SH2D3C: variants seen among roughly 807,000 people sequenced by gnomAD.
SH2D3C encodes the protein SH2 domain-containing protein 3C.
A neutral mutation model predicts 75.2 loss-of-function variants in SH2D3C; 25 were observed. The observed-to-expected ratio is 0.33, with a 90% CI of 0.24 to 0.46. The LOEUF is 0.46. SH2D3C is among the 20% of genes least tolerant of loss of function. The probability of loss-of-function intolerance (pLI) is 1.00; values close to 1 mark genes in which losing one functional copy is unlikely to be tolerated. For synonymous variants in SH2D3C, 450 were observed against 473.7 expected, an observed-to-expected ratio of 0.95 and a Z score of 0.65; for missense variants, 933 against 1,165.3, an observed-to-expected ratio of 0.80 and a Z score of 2.90.
chr9:127,738,996 CCT>C lies in SH2D3C; in HGVS notation c.2408-77_2408-76del, dbSNP rs1266902091. 19 of 1,362,528 alleles carry C rather than the reference CCT, an allele frequency of 1.4e-5. No individual in the cohort carries two copies. The highest frequency in any genetic ancestry group is 6.0e-5 in the African/African-American group (4 of 67,004). 84.4% of individuals were successfully genotyped at this position (1,362,528 alleles called of 1,614,324 possible). A position where few individuals can be genotyped will look rare whatever the true frequency, so the allele number is the denominator to read the frequency against. The stretch of plus-strand genomic sequence containing the variant: ...GAGCCCTAGCATTCTTCAGGACCCC[CCT>C]GTTAGGGACCTCCCCTCAACTCCGC... On this transcript the variant is annotated intron_variant, in intron 11 of 11. Coordinates refer to ENST00000314830, the MANE Select transcript of SH2D3C (RefSeq NM_170600.3). The surrounding 1 kb of genome is among the most constrained non-coding windows in gnomAD (Gnocchi z 5.0).
intron 1 of SH2D3C, among the ~76,000 whole-genome samples, chr9:127,776,331 TG>T (rs1369307181): frequency 2.0e-5 from 3 of 146,450 alleles, no homozygotes; most frequent in African/African-American, 7.7e-5. Context: ...TGTAGGGGGT[TG>T]GGGAGTGTTC....
At position 127,751,156 on chromosome 9, in the gene SH2D3C, C is replaced by A; in HGVS notation, c.684+16G>T. ...GGGAGGGTCCCGGGTTGAAGTCCAG[C>A]TCGGGGCCTACTCACCTCTCGGGGG... On this transcript the variant is annotated intron_variant, in intron 4 of 11. Transcript: ENST00000314830. The surrounding 1 kb of genome is among the most constrained non-coding windows in gnomAD (Gnocchi z 4.1). 6.2e-7 allele frequency: 1 copy of A among 1,612,740 alleles called. No individual in the cohort carries two copies. The highest frequency in any genetic ancestry group is 1.3e-5 in the African/African-American group (1 of 75,006).
chr9:127,774,538 C>G lies in SH2D3C; in HGVS notation c.38-71G>C, dbSNP rs913516090. The G allele has an allele frequency of 2.3e-5, 20 of 851,344 alleles. No homozygotes were observed. Among genetic ancestry groups the G allele is most frequent in the Admixed American group, 7.9e-5 (4 of 50,658 alleles). The allele number at this position is 851,344 out of a possible 1,614,324, so 52.7% of individuals were successfully genotyped here. A position where few individuals can be genotyped will look rare whatever the true frequency, so the allele number is the denominator to read the frequency against. On this transcript the variant is annotated intron_variant, in intron 1 of 11. Coordinates refer to ENST00000314830, the MANE Select transcript of SH2D3C (RefSeq NM_170600.3). This position sits in a 1 kb window ranked among gnomAD's most constrained non-coding sequence, Gnocchi z 4.3. The stretch of plus-strand genomic sequence containing the variant: ...CATCAGTGATAATAATGAACAATTC[C>G]TGCAGTTTCACTCGGTGAGGGGCTG...
intron 1 of SH2D3C, 94 bp downstream of exon 1, chr9:127,778,497 A>C (rs1829079495): frequency 9.9e-7 from 1 of 1,012,724 alleles, no homozygotes. Flanking sequence ...AGAGAGAAAA[A>C]CAGAAATGAG....
chr9:127,757,173 C>T (rs1466501107), intron 3 of SH2D3C, among the ~76,000 whole-genome samples: 1 of 150,560 alleles, frequency 6.6e-6, no homozygotes, highest in Non-Finnish European at 1.5e-5. Context: ...GACCTCTTGA[C>T]CTCAAGTGAT....
At chr9:127,765,473 C>A (rs1216613568) in intron 2 of SH2D3C, among the ~76,000 whole-genome samples, 1 of 152,114 alleles carries the variant, frequency 6.6e-6, no homozygotes, top group Non-Finnish European at 1.5e-5. Flanking sequence ...CCCCTGCAGC[C>A]CTGAGGACAA....
rs116053071 is a variant in SH2D3C, at chr9:127,776,103, A to G, written c.38-1636T>C. ...CTCGGCCTCCCAAAGTGTTGGGATT[A>G]CAGGGGTAAGACACCGTGCCTGGCC... On this transcript the variant is annotated intron_variant, in intron 1 of 11. Coordinates refer to ENST00000314830, the MANE Select transcript of SH2D3C (RefSeq NM_170600.3). Among the ~76,000 whole-genome samples the G allele has an allele frequency of 4.6e-3, 707 of 152,238 alleles. 6 individuals carry two copies. Among genetic ancestry groups the G allele is most frequent in the African/African-American group, 0.016 (674 of 41,532 alleles).
At chr9:127,747,519 T>C (rs187659705) in intron 5 of SH2D3C, among the ~76,000 whole-genome samples, 1 of 151,904 alleles carries the variant, frequency 6.6e-6, no homozygotes, top group African/African-American at 2.4e-5. Context: ...TCTTTTTTTG[T>C]CTTTTTTCTT....
chr9:127,739,937 C>A lies in SH2D3C; in HGVS notation c.2201-49G>T. The A allele has an allele frequency of 1.4e-6, 2 of 1,449,194 alleles. No homozygotes were observed. Among genetic ancestry groups the A allele is most frequent in the South Asian group, 1.4e-5 (1 of 71,930 alleles). The allele number at this position is 1,449,194 out of a possible 1,614,324, so 89.8% of individuals were successfully genotyped here. On this transcript the variant is annotated intron_variant, in intron 10 of 11. Transcript: ENST00000314830. This position sits in a 1 kb window ranked among gnomAD's most constrained non-coding sequence, Gnocchi z 4.3. ...GCTTAAAGATCCTGTAGTGCCCCAC[C>A]ATCCACTGCAGTCCTGGAAGCTGAG...
Position 127,738,973 on chromosome 9 carries a change from G to A in SH2D3C, c.2408-52C>T, listed in dbSNP as rs377146474. On this transcript the variant is annotated intron_variant, in intron 11 of 11. Coordinates refer to ENST00000314830, the MANE Select transcript of SH2D3C (RefSeq NM_170600.3). This position sits in a 1 kb window ranked among gnomAD's most constrained non-coding sequence, Gnocchi z 5.0. ...GCAGAGGCTGGGGTTCCTGTCCAGA[G>A]CCCTAGCATTCTTCAGGACCCCCCT... 5 of 1,444,608 alleles carry A rather than the reference G, an allele frequency of 3.5e-6. No homozygotes were observed. The African/African-American group carries it at 4.3e-5, about 12-fold the overall frequency. The allele number at this position is 1,444,608 out of a possible 1,614,324, so 89.5% of individuals were successfully genotyped here. A position where few individuals can be genotyped will look rare whatever the true frequency, so the allele number is the denominator to read the frequency against.
intron 3 of SH2D3C, chr9:127,755,077 A>G: frequency 8.3e-7 from 1 of 1,201,660 alleles, no homozygotes. Context: ...CCGCCCCCTC[A>G]CCTGCACCTG....
Position 127,749,828 on chromosome 9 carries a change from C to A in SH2D3C, c.685-163G>T, listed in dbSNP as rs916747837. On this transcript the variant is annotated intron_variant, in intron 4 of 11. Transcript: ENST00000314830. This position sits in a 1 kb window ranked among gnomAD's most constrained non-coding sequence, Gnocchi z 5.9. ...CATCTGACATCTGAGAGCGGGGATG[C>A]AATGACCCAGGTTCACAGGGGGCAC... is the stretch of plus-strand genomic sequence containing the variant. 1.3e-5 allele frequency among the ~76,000 whole-genome samples: 2 copies of A among 152,096 alleles called. No individual in the cohort carries two copies. Among genetic ancestry groups the A allele is most frequent in the Non-Finnish European group, 2.9e-5 (2 of 68,004 alleles).
At chr9:127,747,067 C>G in intron 6 of SH2D3C, 80 bp downstream of exon 6, 1 of 1,460,214 alleles carries the variant, frequency 6.8e-7, no homozygotes, top group Non-Finnish European at 9.3e-7. Flanking sequence ...GAGGCGGAAA[C>G]ACACATAACC....
At chr9:127,747,362 C>A in intron 5 of SH2D3C, 91 bp from the exon 6 acceptor site, 1 of 1,234,324 alleles carries the variant, frequency 8.1e-7, no homozygotes, top group East Asian at 2.5e-5. Context: ...CCTTGAACTT[C>A]AGAGGCAGAG....
rs1046053034 is a variant in SH2D3C at position 127,774,816 on chromosome 9, G to A, written c.38-349C>T. Among the ~76,000 whole-genome samples the A allele has an allele frequency of 3.1e-4, 47 of 152,206 alleles. No homozygotes were observed. The highest frequency in any genetic ancestry group is 3.0e-3 in the Admixed American group (46 of 15,280). On this transcript the variant is annotated intron_variant, in intron 1 of 11. Transcript: ENST00000314830. This position sits in a 1 kb window ranked among gnomAD's most constrained non-coding sequence, Gnocchi z 4.3. ...AATTACAGAAAAGCTTAGGCCAGGC[G>A]TGGTGGCTCATGCCTGTAATCCCAG...
chr9:127,751,046 T>C lies in SH2D3C; in HGVS notation c.684+126A>G, dbSNP rs1237224923. The C allele has an allele frequency of 2.3e-6, 2 of 872,198 alleles. No individual in the cohort carries two copies. The highest frequency in any genetic ancestry group is 2.4e-5 in the East Asian group (1 of 40,860). The allele number at this position is 872,198 out of a possible 1,614,324, so 54.0% of individuals were successfully genotyped here. On this transcript the variant is annotated intron_variant, in intron 4 of 11. Transcript: ENST00000314830. The surrounding 1 kb of genome is among the most constrained non-coding windows in gnomAD (Gnocchi z 4.1). ...AGGGCAGAGCTAGACCTCATCCCAGTCCATTCTGATTGAATCCACCAAGCA... is the reference window on the plus strand; with the variant it reads ...AGGGCAGAGCTAGACCTCATCCCAGCCCATTCTGATTGAATCCACCAAGCA...
At chr9:127,771,082 T>C (rs60419096) in intron 2 of SH2D3C, 34,309 of 908,236 alleles carry the variant, frequency 0.038, 2,313 homozygotes, top group African/African-American at 0.25. Context: ...TCCCTGATGC[T>C]AACCCCGCCC....
intron 2 of SH2D3C, chr9:127,766,885 G>A (rs1475270401): frequency 1.3e-5 from 20 of 1,502,430 alleles, no homozygotes; most frequent in South Asian, 1.1e-4. Context: ...CTTCCTTCAC[G>A]CCCATCTTCA....
chr9:127,741,930 A>G lies in SH2D3C; in HGVS notation c.1946T>C (p.Val649Ala). Residue 649 changes from valine (V) to alanine (A), a missense_variant, in exon 9 of 12, where the codon GTG becomes GCG. Transcript: ENST00000314830. ...RFHTMSIMLA[V>A]DILGCTGSAE... The stretch of plus-strand genomic sequence containing the variant: ...AGAGCCGGTGCAGCCCAGGATGTCC[A>G]CGGCCAGCATGATGGACATGGTGTG... 1 of 1,612,786 alleles carries G rather than the reference A, an allele frequency of 6.2e-7. No homozygotes were observed. The highest frequency in any genetic ancestry group is 8.5e-7 in the Non-Finnish European group (1 of 1,179,884).
Sources: allele counts gnomAD v4.1 joint callset (sites outside exome capture counted in the v4.1 genomes callset), GRCh38; gene constraint gnomAD v4.1.1; non-coding constraint Gnocchi (gnomAD v3.1); transcripts MANE v1.5; gene names NCBI Gene and HGNC (gene_info 2026-07-23, HGNC 2026-07-21).